USP3: variants seen among roughly 807,000 people sequenced by gnomAD.
The protein encoded by USP3 is ubiquitin carboxyl-terminal hydrolase 3.
USP3 carries 20 observed loss-of-function variants against 72.3 expected under a neutral mutation model. The ratio of observed to expected loss-of-function variants is 0.28; its 90% CI spans 0.19 to 0.40. The LOEUF is 0.40. Among genes scored for constraint, USP3 ranks in the 10% least tolerant of loss-of-function variants. USP3 has a pLI of 1.00. For missense variants in USP3, 479 were observed against 633.9 expected (o/e 0.76, Z 2.62); for synonymous variants, 222 against 225.3 (o/e 0.99, Z 0.13).
intron 8 of USP3, among the ~76,000 whole-genome samples, chr15:63,568,971 C>T (rs774232130): frequency 1.1e-4 from 17 of 152,120 alleles, no homozygotes; most frequent in African/African-American, 3.4e-4. Context: ...TTAATGTACA[C>T]GAGGCACATT....
rs756664852 is a variant in USP3, at chr15:63,588,194, A to C, written c.1097-111A>C. On this transcript the variant is annotated intron_variant, in intron 11 of 14. Coordinates refer to ENST00000380324, the MANE Select transcript of USP3 (RefSeq NM_006537.4). The surrounding 1 kb of genome is among the most constrained non-coding windows in gnomAD (Gnocchi z 4.6). ...GCAATTGAGAAAGGTTAACTTTTCT[A>C]AGGTCGTATAGCTAATAAAGCTGAG... 1.3e-6 allele frequency: 1 copy of C among 751,228 alleles called. No homozygotes were observed. Among genetic ancestry groups the C allele is most frequent in the Admixed American group, 3.0e-5 (1 of 33,322 alleles). 46.5% of individuals were successfully genotyped at this position (751,228 alleles called of 1,614,324 possible).
intron 11 of USP3, among the ~76,000 whole-genome samples, chr15:63,578,632 G>GA (rs1016704854): frequency 2.3e-4 from 32 of 138,846 alleles, no homozygotes; most frequent in African/African-American, 4.2e-4. Context: ...AAAAAAAGAA[G>GA]AAAAAAAAAA....
At position 63,528,985 on chromosome 15, in the gene USP3, A is replaced by G. The variant is rs1450385108; in HGVS notation, c.92-3662A>G. 6.2e-6 allele frequency: 8 copies of G among 1,287,172 alleles called. No individual in the cohort carries two copies. The highest frequency in any genetic ancestry group is 8.1e-6 in the Non-Finnish European group (8 of 987,386). 79.7% of individuals were successfully genotyped at this position (1,287,172 alleles called of 1,614,324 possible). On this transcript the variant is annotated intron_variant, in intron 1 of 14. Transcript: ENST00000380324. The surrounding 1 kb of genome is among the most constrained non-coding windows in gnomAD (Gnocchi z 4.3). ...CCATTTATTGGCTTCAGAATCCCTC[A>G]TAATACCCTATCCTCTGTATCTTTC...
chr15:63,567,669 T>C (rs999076533), intron 8 of USP3, among the ~76,000 whole-genome samples: 5 of 151,738 alleles, frequency 3.3e-5, no homozygotes, highest in Non-Finnish European at 5.9e-5. Flanking sequence ...TTTTGATAGA[T>C]GGGGTTTTGC....
At position 63,588,860 on chromosome 15, in the gene USP3, G is replaced by C; in HGVS notation, c.1329+45G>C. 6.2e-7 allele frequency: 1 copy of C among 1,610,806 alleles called. No homozygotes were observed. Among genetic ancestry groups the C allele is most frequent in the Non-Finnish European group, 8.5e-7 (1 of 1,177,058 alleles). On this transcript the variant is annotated intron_variant, in intron 13 of 14. Coordinates refer to ENST00000380324, the MANE Select transcript of USP3 (RefSeq NM_006537.4). This position sits in a 1 kb window ranked among gnomAD's most constrained non-coding sequence, Gnocchi z 4.6. Reference sequence around the variant, plus strand: ...AGCATGGTGAAAAAATGGCTCTTCAGTAAGATTGTCATCACATGGAGAGGG... The same window carrying C: ...AGCATGGTGAAAAAATGGCTCTTCACTAAGATTGTCATCACATGGAGAGGG...
At chr15:63,567,777 G>A (rs1454212948) in intron 8 of USP3, among the ~76,000 whole-genome samples, 4 of 152,054 alleles carry the variant, frequency 2.6e-5, no homozygotes, top group African/African-American at 4.8e-5. Context: ...CACCACACCC[G>A]GCTTGATCAT....
chr15:63,570,348 T>C lies in USP3; in HGVS notation c.762-85T>C. ...CTTGTGAGCACGGGGCTGCCGTCCT[T>C]TTCCACGCCTTGGCCTCTTGCTGGT... On this transcript the variant is annotated intron_variant, in intron 8 of 14. Transcript: ENST00000380324. The surrounding 1 kb of genome is among the most constrained non-coding windows in gnomAD (Gnocchi z 4.4). 6.3e-7 allele frequency: 1 copy of C among 1,584,232 alleles called. No individual in the cohort carries two copies. Among genetic ancestry groups the C allele is most frequent in the East Asian group, 2.3e-5 (1 of 44,416 alleles).
intron 1 of USP3, among the ~76,000 whole-genome samples, chr15:63,510,717 T>G (rs1595700217): frequency 6.6e-6 from 1 of 152,178 alleles, no homozygotes; most frequent in Non-Finnish European, 1.5e-5. Context: ...CTTACCTTGA[T>G]TGACAGTTTA....
Position 63,544,710 on chromosome 15 carries a change from A to G in USP3, c.284+7554A>G. 1.4e-6 allele frequency: 1 copy of G among 702,114 alleles called. No individual in the cohort carries two copies. The highest frequency in any genetic ancestry group is 2.6e-6 in the Non-Finnish European group (1 of 384,720). The allele number at this position is 702,114 out of a possible 1,614,324, so 43.5% of individuals were successfully genotyped here. ...TGCCATTAAATAAGTGAATAGTGCGAAATGGAAAATACCGAGGGGTAAGAG... is the reference window on the plus strand; with the variant it reads ...TGCCATTAAATAAGTGAATAGTGCGGAATGGAAAATACCGAGGGGTAAGAG... On this transcript the variant is annotated intron_variant, in intron 3 of 14. Transcript: ENST00000380324. The surrounding 1 kb of genome is among the most constrained non-coding windows in gnomAD (Gnocchi z 4.2).
chr15:63,552,360 G>A (rs2066449447), intron 3 of USP3, among the ~76,000 whole-genome samples: 1 of 152,170 alleles, frequency 6.6e-6, no homozygotes, highest in African/African-American at 2.4e-5. Context: ...TTTATGCCGA[G>A]AAGGAGCAAA....
intron 1 of USP3, among the ~76,000 whole-genome samples, chr15:63,521,951 T>C (rs76792656): frequency 0.033 from 5,057 of 152,268 alleles, 103 homozygotes; most frequent in Middle Eastern, 0.099. Context: ...TCCGGTGATT[T>C]GTTTATTTGA....
chr15:63,505,038 C>A (rs1365058856), intron 1 of USP3, among the ~76,000 whole-genome samples: 2 of 150,696 alleles, frequency 1.3e-5, no homozygotes, highest in Admixed American at 6.6e-5. Context: ...GACGGCCGGG[C>A]CAGCGAAGGA....
At chr15:63,525,288 G>A (rs1253333726) in intron 1 of USP3, among the ~76,000 whole-genome samples, 1 of 152,180 alleles carries the variant, frequency 6.6e-6, no homozygotes. Context: ...TGGTGCTCAT[G>A]CCTGGTCTCC....
intron 8 of USP3, among the ~76,000 whole-genome samples, chr15:63,566,318 A>G (rs1281603507): frequency 3.4e-5 from 5 of 146,698 alleles, no homozygotes; most frequent in Non-Finnish European, 6.0e-5. Flanking sequence ...TTTTTTTTTA[A>G]TTTTATTTTT....
rs2066826127 is a variant in USP3 at position 63,574,292 on chromosome 15, AGC to A, written c.1016-30_1016-29del. ...TTGAATGGACATATATGCCTTTAAC[AGC>A]TCTCTGTTTACCTCTCTCTCCTTTT... On this transcript the variant is annotated intron_variant, in intron 10 of 14. Coordinates refer to ENST00000380324, the MANE Select transcript of USP3 (RefSeq NM_006537.4). The surrounding 1 kb of genome is among the most constrained non-coding windows in gnomAD (Gnocchi z 4.6). The A allele has an allele frequency of 6.5e-7, 1 of 1,547,914 alleles. No homozygotes were observed. Among genetic ancestry groups the A allele is most frequent in the African/African-American group, 1.4e-5 (1 of 71,792 alleles).
Position 63,570,649 on chromosome 15 carries a change from G to A in USP3, c.908+70G>A. 1 of 1,536,732 alleles carries A rather than the reference G, an allele frequency of 6.5e-7. No homozygotes were observed. The highest frequency in any genetic ancestry group is 8.7e-7 in the Non-Finnish European group (1 of 1,144,286). ...TTCTTTTGGTGTTAATTATGTGTTA[G>A]ATTTATAACGGAAGGTAGAGGGGTT... is the stretch of plus-strand genomic sequence containing the variant. On this transcript the variant is annotated intron_variant, in intron 9 of 14. Coordinates refer to ENST00000380324, the MANE Select transcript of USP3 (RefSeq NM_006537.4). This position sits in a 1 kb window ranked among gnomAD's most constrained non-coding sequence, Gnocchi z 4.4.
rs374400610 is a variant in USP3, at chr15:63,541,800, T to C, written c.284+4644T>C. On this transcript the variant is annotated intron_variant, in intron 3 of 14. Transcript: ENST00000380324. ...TACTGTCATTTATAATAAAACCAGA[T>C]GTCAAATTTGCCCGTAAATATCAAA... Among the ~76,000 whole-genome samples the C allele has an allele frequency of 7.9e-5, 12 of 152,266 alleles. No homozygotes were observed. The South Asian group carries it at 2.1e-3, about 26-fold the overall frequency.
chr15:63,507,082 ACT>A (rs2065723355), intron 1 of USP3, among the ~76,000 whole-genome samples: 1 of 150,710 alleles, frequency 6.6e-6, no homozygotes, highest in Non-Finnish European at 1.5e-5. Flanking sequence ...TTTCTCCCAC[ACT>A]CTTGATTTTA....
intron 11 of USP3, among the ~76,000 whole-genome samples, chr15:63,585,061 AGT>A (rs1433479779): frequency 6.6e-6 from 1 of 152,182 alleles, no homozygotes; most frequent in African/African-American, 2.4e-5. Context: ...TTGACTATAT[AGT>A]AAGAGTTTTT....
Sources: gnomAD v4.1 joint callset for allele counts (sites outside exome capture counted in the v4.1 genomes callset) on GRCh38, gnomAD v4.1.1 for gene constraint, Gnocchi (gnomAD v3.1) non-coding constraint, MANE v1.5 for transcripts, NCBI Gene and HGNC (gene_info 2026-07-23, HGNC 2026-07-21) for gene names.